The following DDX17 variants were observed in gnomAD, a reference collection of about 807,000 sequenced individuals.
DDX17 encodes the protein DEAD-box helicase 17.
Under a neutral mutation model 80.8 loss-of-function variants are expected in DDX17, and 10 were observed. The observed-to-expected ratio is 0.12, with a 90% CI of 0.08 to 0.21. The LOEUF (loss-of-function observed/expected upper bound fraction) is 0.21. Among genes scored for constraint, DDX17 ranks in the 10% least tolerant of loss-of-function variants. DDX17 has a pLI of 1.00. For missense variants in DDX17, 586 were observed against 957.4 expected (o/e 0.61, Z 5.12); for synonymous variants, 339 against 336.2 (o/e 1.01, Z -0.09).
At position 38,506,258 on chromosome 22, in the gene DDX17, G is replaced by A. The variant is rs776773259; in HGVS notation, c.-21C>T. The A allele has an allele frequency of 4.6e-5, 73 of 1,586,036 alleles. No individual in the cohort carries two copies. The South Asian group carries it at 8.1e-4, about 18-fold the overall frequency. ...GGCAGGTTTGGCTACGCTCAAACCG[G>A]GCAGTGCCGCGGTTTAGGCGTCTCC... On this transcript the variant is annotated 5_prime_UTR_variant, in exon 1 of 13. Coordinates refer to ENST00000403230, the MANE Select transcript of DDX17 (RefSeq NM_006386.5).
chr22:38,502,763 T>G (rs1384602311), intron 1 of DDX17, among the ~76,000 whole-genome samples: 2 of 152,218 alleles, frequency 1.3e-5, no homozygotes, highest in African/African-American at 4.8e-5. Context: ...TTGTTTGGCA[T>G]ACAAACTGTA....
At chr22:38,492,217 C>T (rs1439029262) in intron 10 of DDX17, 102 bp from the exon 11 acceptor site, 1 of 952,972 alleles carries the variant, frequency 1.0e-6, no homozygotes, top group East Asian at 2.8e-5. Context: ...CAGAAAATCC[C>T]AAGCTCTTGT....
chr22:38,506,134 C>G lies in DDX17; in HGVS notation c.104G>C (p.Arg35Pro). The G allele has an allele frequency of 6.3e-7, 1 of 1,578,690 alleles. No homozygotes were observed. The highest frequency in any genetic ancestry group is 2.3e-5 in the East Asian group (1 of 43,116). The change falls in exon 1 of 13, where the codon CGA becomes CCA. Residue 35 changes from arginine (R) to proline (P), a missense_variant. Coordinates refer to ENST00000403230, the MANE Select transcript of DDX17 (RefSeq NM_006386.5). ...GGCGGCGGCAGGCGCAGCGCTCTCT[C>G]GCTCCGACGCGCTGTCTCCCGTCGC...
intron 5 of DDX17, among the ~76,000 whole-genome samples, chr22:38,496,145 A>AATG (rs2089764176): frequency 6.6e-6 from 1 of 152,186 alleles, no homozygotes; most frequent in Non-Finnish European, 1.5e-5. Context: ...TAGCATTTGG[A>AATG]ATGATACTGG....
rs2089641995 is a variant in DDX17, at chr22:38,485,140, A to C, written c.*795T>G. The C allele has an allele frequency of 6.6e-6, 1 of 152,258 alleles. No individual in the cohort carries two copies. Among genetic ancestry groups the C allele is most frequent in the East Asian group, 1.9e-4 (1 of 5,204 alleles). The allele number at this position is 152,258 out of a possible 1,614,324, so 9.4% of individuals were successfully genotyped here. A position where few individuals can be genotyped will look rare whatever the true frequency, so the allele number is the denominator to read the frequency against. ...TAATTTCACAGATGGTCCCCAGTTA[A>C]ACTGGGAAGAAATATAGGCAGCTTC... On this transcript the variant is annotated 3_prime_UTR_variant, in exon 13 of 13. Transcript: ENST00000403230.
chr22:38,503,228 A>G (rs1457938426), intron 1 of DDX17, among the ~76,000 whole-genome samples: 1 of 152,192 alleles, frequency 6.6e-6, no homozygotes, highest in Non-Finnish European at 1.5e-5. Flanking sequence ...CTCCCGCCAC[A>G]CTTGCAAATG....
At position 38,505,997 on chromosome 22, in the gene DDX17, G is replaced by A. The variant is rs1198533516; in HGVS notation, c.241C>T (p.Arg81Cys). ...TCCCGGTCCCCAAAGCCTCCTCCGC[G>A]CATGGTCCCAAAAGGATAGAGATCT... Residue 81 changes from arginine to cysteine, a missense_variant, in exon 1 of 13, where the codon CGC becomes TGC. Arg to Cys is a radical substitution (Grantham distance 180). Transcript: ENST00000403230. 3 of 1,592,264 alleles carry A rather than the reference G, an allele frequency of 1.9e-6. No homozygotes were observed. The highest frequency in any genetic ancestry group is 1.1e-5 in the South Asian group (1 of 87,730).
intron 6 of DDX17, among the ~76,000 whole-genome samples, chr22:38,495,383 C>A (rs1009989982): frequency 1.3e-5 from 2 of 151,674 alleles, no homozygotes; most frequent in Non-Finnish European, 2.9e-5. Context: ...GTAGCTGGGA[C>A]TGCAGGCACC....
chr22:38,496,338 C>T lies in DDX17; in HGVS notation c.739-401G>A, dbSNP rs915729121. ...ATTTACTTTGAGGATCATATTGGTC[C>T]TCAAAATTTGGATTTGTTTTGTTTT... On this transcript the variant is annotated intron_variant, in intron 5 of 12. Coordinates refer to ENST00000403230, the MANE Select transcript of DDX17 (RefSeq NM_006386.5). 8.5e-5 allele frequency among the ~76,000 whole-genome samples: 13 copies of T among 152,126 alleles called. 1 individual carries two copies. Among genetic ancestry groups the T allele is most frequent in the Admixed American group, 7.9e-4 (12 of 15,262 alleles).
Position 38,485,231 on chromosome 22 carries a change from G to C in DDX17, c.*704C>G, listed in dbSNP as rs995188778. 1 of 152,026 alleles carries C rather than the reference G, an allele frequency of 6.6e-6. No individual in the cohort carries two copies. The highest frequency in any genetic ancestry group is 1.9e-4 in the East Asian group (1 of 5,196). The allele number at this position is 152,026 out of a possible 1,614,324, so 9.4% of individuals were successfully genotyped here. A position where few individuals can be genotyped will look rare whatever the true frequency, so the allele number is the denominator to read the frequency against. On this transcript the variant is annotated 3_prime_UTR_variant, in exon 13 of 13. Transcript: ENST00000403230. The stretch of plus-strand genomic sequence containing the variant: ...AACACTTGTGGTTTTTAATTTAAAG[G>C]ATACACAAAACTCAGCAATTCAATT...
At chr22:38,496,979 T>C (rs1039612427) in intron 5 of DDX17, among the ~76,000 whole-genome samples, 1 of 152,098 alleles carries the variant, frequency 6.6e-6, no homozygotes, top group African/African-American at 2.4e-5. Context: ...CATAAATATA[T>C]AGGACAAATG....
At position 38,488,923 on chromosome 22, in the gene DDX17, A is replaced by C. The variant is rs1160231865; in HGVS notation, c.1448-808T>G. 3.0e-6 allele frequency: 3 copies of C among 985,298 alleles called. No homozygotes were observed. In the East Asian group the frequency reaches 3.4e-4, roughly 112 times the overall value. 61.0% of individuals were successfully genotyped at this position (985,298 alleles called of 1,614,324 possible). A position where few individuals can be genotyped will look rare whatever the true frequency, so the allele number is the denominator to read the frequency against. On this transcript the variant is annotated intron_variant, in intron 11 of 12. Transcript: ENST00000403230. ...TTGTCTACGTGACCTGGGAAATTAA[A>C]TTAATAGCCAAAGAACGTGGGAAAA...
intron 1 of DDX17, among the ~76,000 whole-genome samples, chr22:38,503,550 T>C (rs1253581938): frequency 1.3e-5 from 2 of 152,218 alleles, no homozygotes. Flanking sequence ...TAATTAATGC[T>C]GACATAATTA....
chr22:38,496,729 A>G (rs1033086692), intron 5 of DDX17, among the ~76,000 whole-genome samples: 2 of 152,170 alleles, frequency 1.3e-5, no homozygotes, highest in Admixed American at 1.3e-4. Context: ...TAAGCACATC[A>G]CCAGGTAGAT....
Position 38,494,908 on chromosome 22 carries a change from C to T in DDX17, c.1019G>A (p.Arg340His). The change falls in exon 7 of 13, where the codon CGT (arginine) becomes CAT (histidine). Residue 340 changes from arginine (R) to histidine (H), a missense_variant. This residue lies in a region of DDX17 where 141 missense variants were observed against 379.3 expected (regional missense o/e 0.37). Transcript: ENST00000403230. The stretch of plus-strand genomic sequence containing the variant: ...CACCCTGATTTGGTCAACAATTTTA[C>T]GGATCTGGGGTTCAAACCCCATATC... 2.5e-6 allele frequency: 4 copies of T among 1,614,082 alleles called. No individual in the cohort carries two copies. Among genetic ancestry groups the T allele is most frequent in the Non-Finnish European group, 3.4e-6 (4 of 1,179,998 alleles).
In DDX17 at chr22:38,499,286, T is replaced by C; in HGVS notation, c.538+114A>G. ...ACAGAACTGATGACCATAAAAACAA[T>C]CTCTTGTCCTTTCAACAAAACCCCA... is the stretch of plus-strand genomic sequence containing the variant. On this transcript the variant is annotated intron_variant, in intron 3 of 12. Coordinates refer to ENST00000403230, the MANE Select transcript of DDX17 (RefSeq NM_006386.5). 3 of 755,870 alleles carry C rather than the reference T, an allele frequency of 4.0e-6. No homozygotes were observed. In the South Asian group the frequency reaches 4.8e-5, roughly 12 times the overall value. 46.8% of individuals were successfully genotyped at this position (755,870 alleles called of 1,614,324 possible). A position where few individuals can be genotyped will look rare whatever the true frequency, so the allele number is the denominator to read the frequency against.
chr22:38,505,822 G>A lies in DDX17; in HGVS notation c.287+129C>T, dbSNP rs955439906. 2.5e-6 allele frequency: 3 copies of A among 1,206,116 alleles called. No individual in the cohort carries two copies. The African/African-American group carries it at 4.8e-5, about 19-fold the overall frequency. The allele number at this position is 1,206,116 out of a possible 1,614,324, so 74.7% of individuals were successfully genotyped here. A position where few individuals can be genotyped will look rare whatever the true frequency, so the allele number is the denominator to read the frequency against. ...GGTCCGCGCACGAAACCGCTGTCTC[G>A]CCTCGAGTCGCCTCCCCTCGCCTCC... On this transcript the variant is annotated intron_variant, in intron 1 of 12. Transcript: ENST00000403230.
In DDX17 at chr22:38,485,816, T is replaced by TC. The variant is rs2089650823; in HGVS notation, c.*118_*119insG. The TC allele has an allele frequency of 1.8e-6, 2 of 1,119,484 alleles. 1 individual carries two copies. Among genetic ancestry groups the TC allele is most frequent in the East Asian group, 6.0e-5 (2 of 33,346 alleles). 69.3% of individuals were successfully genotyped at this position (1,119,484 alleles called of 1,614,324 possible). A position where few individuals can be genotyped will look rare whatever the true frequency, so the allele number is the denominator to read the frequency against. The stretch of plus-strand genomic sequence containing the variant: ...AAATCACGATGGTTGGGGGGAAAAA[T>TC]TAAAAAAAAAAAAAGAAAAAAGGAA... On this transcript the variant is annotated 3_prime_UTR_variant, in exon 13 of 13. Transcript: ENST00000403230.
intron 8 of DDX17, 122 bp from the exon 9 acceptor site, chr22:38,494,253 A>C: frequency 1.5e-6 from 1 of 688,692 alleles, no homozygotes; most frequent in Non-Finnish European, 2.4e-6. Flanking sequence ...TAAAATTTTT[A>C]ATAACTATTA....
Sources: allele counts gnomAD v4.1 joint callset (sites outside exome capture counted in the v4.1 genomes callset), GRCh38; gene constraint gnomAD v4.1.1; regional missense constraint gnomAD v4.1.1; transcripts MANE v1.5; gene names NCBI Gene and HGNC (gene_info 2026-07-23, HGNC 2026-07-21).